MCF2L2: variants seen among roughly 807,000 people sequenced by gnomAD.
MCF2L2 encodes MCF.2 cell line derived transforming sequence-like 2.
MCF2L2 carries 102 observed loss-of-function variants against 150.2 expected under a neutral mutation model. The observed-to-expected ratio is 0.68, with a 90% CI of 0.58 to 0.80. MCF2L2 has a LOEUF of 0.80. MCF2L2 is among the 30% of genes least tolerant of loss of function. The pLI, the probability that MCF2L2 is intolerant of heterozygous loss-of-function variation, is 0.00. For synonymous variants in MCF2L2, 465 were observed against 491.3 expected, an observed-to-expected ratio of 0.95 and a Z score of 0.71; for missense variants, 1,256 against 1,372.8, an observed-to-expected ratio of 0.91 and a Z score of 1.34.
chr3:183,338,665 T>A, intron 5 of MCF2L2, 135 bp downstream of exon 5: 1 of 783,634 alleles, frequency 1.3e-6, no homozygotes, highest in Admixed American at 3.3e-5. Context: ...CCTTCACACA[T>A]GCGGTTCCCT....
intron 12 of MCF2L2, 51 bp from the exon 13 acceptor site, chr3:183,295,528 T>C: frequency 6.4e-7 from 1 of 1,564,110 alleles, no homozygotes; most frequent in Non-Finnish European, 8.8e-7. Context: ...GTATACAGCC[T>C]GAGGACACGA....
At position 183,266,572 on chromosome 3, in the gene MCF2L2, CT is replaced by C. The variant is rs1726146588; in HGVS notation, c.1862+10299del. The stretch of plus-strand genomic sequence containing the variant: ...TGGGGCTTCAGAGGATGGTTGTTAT[CT>C]GGATGAGCACTGTGGAAAGACTGAG... On this transcript the variant is annotated intron_variant, in intron 15 of 29. Transcript: ENST00000328913. Among the ~76,000 whole-genome samples, 6 of 152,194 alleles carry C rather than the reference CT, an allele frequency of 3.9e-5. No individual in the cohort carries two copies. In the South Asian group the frequency reaches 8.3e-4, roughly 21 times the overall value.
At chr3:183,249,527 A>C (rs1724418259) in intron 15 of MCF2L2, among the ~76,000 whole-genome samples, 1 of 152,160 alleles carries the variant, frequency 6.6e-6, no homozygotes. Flanking sequence ...CCCATGCAGA[A>C]GAGAAGAAAA....
chr3:183,356,977 A>G (rs73061002), intron 3 of MCF2L2, among the ~76,000 whole-genome samples: 13,656 of 152,288 alleles, frequency 0.09, 944 homozygotes, highest in African/African-American at 0.18. Context: ...TGATGCTAGA[A>G]CCTAAAAATG....
At position 183,295,301 on chromosome 3, in the gene MCF2L2, C is replaced by T. The variant is rs1404419313; in HGVS notation, c.1674G>A (p.Ser558=). The stretch of plus-strand genomic sequence containing the variant: ...GCTTCTTTTCCTCAAATAACCTACC[C>T]GAGGTGGAGGGCTGGCTGGTTTTTG... ...VSSKTSQPST[S]VPLARPLRTS... is the part of the protein sequence containing the mutation. The change falls in exon 13 of 30, where the codon TCG becomes TCA. Residue 558 remains serine, a splice_region_variant and synonymous_variant. Coordinates refer to ENST00000328913, the MANE Select transcript of MCF2L2 (RefSeq NM_015078.4). 2.5e-6 allele frequency: 4 copies of T among 1,603,122 alleles called. No individual in the cohort carries two copies. The highest frequency in any genetic ancestry group is 1.8e-5 in the Admixed American group (1 of 56,850).
chr3:183,352,652 T>A (rs1298043497), intron 3 of MCF2L2, among the ~76,000 whole-genome samples: 2 of 152,176 alleles, frequency 1.3e-5, no homozygotes, highest in Non-Finnish European at 2.9e-5. Context: ...AGAACAGCGC[T>A]TTGAGGGACA....
intron 1 of MCF2L2, among the ~76,000 whole-genome samples, chr3:183,427,323 T>C (rs898751449): frequency 2.6e-5 from 4 of 152,188 alleles, no homozygotes; most frequent in African/African-American, 9.6e-5. Context: ...GGGAAGAAGA[T>C]TAAAATTGCT....
chr3:183,327,459 G>A (rs1356566367), intron 5 of MCF2L2, among the ~76,000 whole-genome samples: 1 of 152,196 alleles, frequency 6.6e-6, no homozygotes, highest in African/African-American at 2.4e-5. Context: ...ACTACAACCT[G>A]GCACACAGGC....
intron 1 of MCF2L2, among the ~76,000 whole-genome samples, chr3:183,393,940 T>C (rs1030969082): frequency 2.0e-5 from 3 of 152,200 alleles, no homozygotes; most frequent in Admixed American, 6.5e-5. Context: ...GTGAGACCCT[T>C]AGCCTCCCAC....
intron 15 of MCF2L2, chr3:183,265,412 TG>T (rs1056685052): frequency 6.6e-6 from 1 of 152,366 alleles, no homozygotes; most frequent in African/African-American, 2.4e-5. Context: ...GGCAGGCTTG[TG>T]GGCTTCTTCC....
chr3:183,383,993 C>T (rs143072305), intron 2 of MCF2L2, among the ~76,000 whole-genome samples: 6 of 152,304 alleles, frequency 3.9e-5, no homozygotes, highest in African/African-American at 1.4e-4. Flanking sequence ...CCTGTCTGCT[C>T]CCCAGACACG....
intron 7 of MCF2L2, among the ~76,000 whole-genome samples, chr3:183,317,496 T>A (rs1729647955): frequency 6.6e-6 from 1 of 152,102 alleles, no homozygotes; most frequent in African/African-American, 2.4e-5. Flanking sequence ...TACGAATCAT[T>A]TAATAGGTGC....
intron 1 of MCF2L2, among the ~76,000 whole-genome samples, chr3:183,412,396 G>C (rs892205255): frequency 1.3e-5 from 2 of 152,140 alleles, no homozygotes; most frequent in African/African-American, 4.8e-5. Context: ...CCAGGTTAAA[G>C]CAATTCTCCT....
chr3:183,228,120 G>GTT, intron 18 of MCF2L2, 177 bp downstream of exon 18: 1 of 570,286 alleles, frequency 1.8e-6, no homozygotes, highest in Non-Finnish European at 3.2e-6. Context: ...AAACCATCAT[G>GTT]TTGTATAGTT....
At chr3:183,426,061 G>C (rs1297062411) in intron 1 of MCF2L2, among the ~76,000 whole-genome samples, 1 of 152,152 alleles carries the variant, frequency 6.6e-6, no homozygotes, top group Admixed American at 6.5e-5. Context: ...ATTAGATTAA[G>C]TATGAGGAGA....
At chr3:183,361,072 G>C (rs780288595) in intron 3 of MCF2L2, among the ~76,000 whole-genome samples, 6 of 86,406 alleles carry the variant, frequency 6.9e-5, no homozygotes, top group Admixed American at 1.1e-4. Flanking sequence ...AGATAAGACA[G>C]AAGAGAAGAC....
intron 27 of MCF2L2, among the ~76,000 whole-genome samples, chr3:183,184,930 T>C (rs1006079927): frequency 6.6e-6 from 1 of 152,094 alleles, no homozygotes; most frequent in African/African-American, 2.4e-5. Flanking sequence ...TTTCTTTTTT[T>C]TTTTTGAGAC....
chr3:183,322,958 C>G (rs1342311492), intron 6 of MCF2L2, among the ~76,000 whole-genome samples: 1 of 152,144 alleles, frequency 6.6e-6, no homozygotes, highest in Non-Finnish European at 1.5e-5. Flanking sequence ...GTATAACAGG[C>G]TATTGGTGTT....
At chr3:183,427,870 T>TA in intron 1 of MCF2L2, 32 bp downstream of exon 1, 1 of 1,598,672 alleles carries the variant, frequency 6.3e-7, no homozygotes, top group Non-Finnish European at 8.6e-7. Flanking sequence ...CCGCCATTAA[T>TA]AAAACGCAGG....
Sources: allele counts gnomAD v4.1 joint callset (sites outside exome capture counted in the v4.1 genomes callset), GRCh38; gene constraint gnomAD v4.1.1; transcripts MANE v1.5; gene names NCBI Gene and HGNC (gene_info 2026-07-23, HGNC 2026-07-21).